Variants in PAK3 observed in about 807,000 individuals in gnomAD.
PAK3 encodes p21 (RAC1) activated kinase 3.
In PAK3, 4 loss-of-function variants were observed where a neutral mutation model predicts 41.0. That is an observed-to-expected ratio of 0.10 (90% CI 0.05 to 0.22). The LOEUF (loss-of-function observed/expected upper bound fraction) is 0.22. Ranked by LOEUF, PAK3 falls within the 10% of genes least tolerant of loss-of-function variation. The pLI is 1.00. For missense variants in PAK3, 205 were observed against 409.9 expected (o/e 0.50, Z 4.32); for synonymous variants, 146 against 139.6 (o/e 1.05, Z -0.32).
chrX:111,003,076 A>G (rs1042822335), intron 1 of PAK3, among the ~76,000 whole-genome samples: 12 of 111,967 alleles, frequency 1.1e-4, no homozygotes, highest in Non-Finnish European at 1.5e-4. Flanking sequence ...CTAGACTGAC[A>G]AGCAAAGCAC....
At chrX:110,989,416 A>G (rs1284349880) in intron 1 of PAK3, among the ~76,000 whole-genome samples, 1 of 112,372 alleles carries the variant, frequency 8.9e-6, no homozygotes, top group Non-Finnish European at 1.9e-5. Context: ...ATTTTATGTG[A>G]AGTTTTCCAA....
rs191308297 is a variant in PAK3 at position 110,998,706 on chromosome X, G to A, written c.-28+54078G>A. 1.4e-3 allele frequency among the ~76,000 whole-genome samples: 157 copies of A among 112,197 alleles called. 1 individual carries two copies. Among genetic ancestry groups the A allele is most frequent in the African/African-American group, 4.9e-3 (153 of 30,965 alleles). On this transcript the variant is annotated intron_variant, in intron 1 of 14. Transcript: ENST00000425146. ...AGAATGTAAGCTTATTGAGGGCAAG[G>A]ACTTTGTCTTGTGCATATTCAGCAC...
chrX:111,216,664 A>T, intron 17 of PAK3, 106 bp downstream of exon 17: 1 of 703,701 alleles, frequency 1.4e-6, no homozygotes, highest in Non-Finnish European at 2.3e-6. Flanking sequence ...TTAGGCTATT[A>T]CCATTTTATT....
chrX:111,079,649 G>T (rs1268904575), intron 1 of PAK3, among the ~76,000 whole-genome samples: 1 of 112,164 alleles, frequency 8.9e-6, no homozygotes, highest in Admixed American at 9.4e-5. Flanking sequence ...GGGAAATTTT[G>T]ACTTTCAAGT....
chrX:111,116,966 A>T (rs747755205), intron 4 of PAK3, among the ~76,000 whole-genome samples: 1 of 111,821 alleles, frequency 8.9e-6, no homozygotes, highest in Admixed American at 9.5e-5. Flanking sequence ...GCTTCCCTCC[A>T]TTACACACTG....
chrX:110,999,620 T>C (rs996949497), intron 1 of PAK3, among the ~76,000 whole-genome samples: 4 of 108,563 alleles, frequency 3.7e-5, no homozygotes, highest in Non-Finnish European at 7.6e-5. Context: ...ATGCAAGGTA[T>C]TGGGTTTTAT....
At chrX:111,128,772 A>G (rs1213073601) in intron 5 of PAK3, among the ~76,000 whole-genome samples, 1 of 112,229 alleles carries the variant, frequency 8.9e-6, no homozygotes, top group African/African-American at 3.2e-5. Flanking sequence ...AAAAATTGCC[A>G]CTCATAAGGA....
At chrX:111,179,520 A>G (rs1459299904) in intron 11 of PAK3, among the ~76,000 whole-genome samples, 1 of 111,514 alleles carries the variant, frequency 9.0e-6, no homozygotes, top group Admixed American at 9.6e-5. Flanking sequence ...TTTATCAACA[A>G]TTTTTAATAA....
intron 11 of PAK3, among the ~76,000 whole-genome samples, chrX:111,186,844 G>A (rs908784817): frequency 3.2e-4 from 36 of 111,551 alleles, no homozygotes; most frequent in African/African-American, 1.0e-3. Context: ...GTGAATTAAG[G>A]TTTTATTTTG....
At chrX:111,166,912 T>A (rs146475163) in intron 10 of PAK3, among the ~76,000 whole-genome samples, 264 of 111,763 alleles carry the variant, frequency 2.4e-3, no homozygotes, top group African/African-American at 8.2e-3. Context: ...CATCACTGGG[T>A]CTGAGTCATA....
intron 1 of PAK3, among the ~76,000 whole-genome samples, chrX:111,083,784 T>C (rs1302108387): frequency 8.9e-6 from 1 of 112,456 alleles, no homozygotes; most frequent in Non-Finnish European, 1.9e-5. Context: ...AAGGGAGAGA[T>C]TCTCCACTCA....
intron 5 of PAK3, among the ~76,000 whole-genome samples, chrX:111,127,090 A>G (rs1190944176): frequency 8.9e-6 from 1 of 112,097 alleles, no homozygotes; most frequent in Admixed American, 9.4e-5. Flanking sequence ...CACATATATA[A>G]TTTTTACATA....
At chrX:111,102,004 C>G (rs1223937932) in intron 3 of PAK3, among the ~76,000 whole-genome samples, 1 of 112,189 alleles carries the variant, frequency 8.9e-6, no homozygotes, top group Non-Finnish European at 1.9e-5. Flanking sequence ...ATCTAGCCAT[C>G]TCTTTGGATT....
chrX:111,063,897 G>GA (rs1303708156), intron 1 of PAK3, among the ~76,000 whole-genome samples: 2 of 110,166 alleles, frequency 1.8e-5, no homozygotes, highest in Non-Finnish European at 3.8e-5. Flanking sequence ...GGCCGCTGAA[G>GA]AAAAATAATC....
chrX:110,969,373 G>A (rs1233273862), intron 1 of PAK3, among the ~76,000 whole-genome samples: 1 of 104,288 alleles, frequency 9.6e-6, no homozygotes, highest in African/African-American at 3.5e-5. Context: ...AACTTCTACC[G>A]CCCGGGTTTA....
intron 7 of PAK3, among the ~76,000 whole-genome samples, chrX:111,149,437 C>T (rs775759415): frequency 1.8e-5 from 2 of 112,469 alleles, no homozygotes; most frequent in Non-Finnish European, 1.9e-5. Flanking sequence ...CCACATTTCC[C>T]TTCTGCACTG....
intron 5 of PAK3, among the ~76,000 whole-genome samples, chrX:111,131,085 T>A (rs1319391934): frequency 2.7e-5 from 3 of 111,816 alleles, no homozygotes; most frequent in Non-Finnish European, 5.7e-5. Flanking sequence ...GCCAATGGAA[T>A]ATGCAAAAAT....
intron 1 of PAK3, among the ~76,000 whole-genome samples, chrX:110,984,921 G>C (rs953909049): frequency 9.1e-6 from 1 of 110,021 alleles, no homozygotes; most frequent in Non-Finnish European, 1.9e-5. Context: ...TTGAGCCCAG[G>C]AGTTTGAGAC....
chrX:111,051,307 T>A (rs1449340909), intron 1 of PAK3, among the ~76,000 whole-genome samples: 1 of 111,244 alleles, frequency 9.0e-6, no homozygotes, highest in Non-Finnish European at 1.9e-5. Flanking sequence ...TGAATATGAA[T>A]TTTTTTCTGA....
Sources: gnomAD v4.1 joint callset for allele counts (sites outside exome capture counted in the v4.1 genomes callset) on GRCh38, gnomAD v4.1.1 for gene constraint, MANE v1.5 for transcripts, NCBI Gene and HGNC (gene_info 2026-07-23, HGNC 2026-07-21) for gene names.